The following CTSD variants were observed in gnomAD, a reference collection of about 807,000 sequenced individuals.
CTSD encodes ceroid-lipofuscinosis, neuronal 10.
In CTSD, 28 loss-of-function variants were observed where a neutral mutation model predicts 43.6. That is an observed-to-expected ratio of 0.64 (90% CI 0.48 to 0.88). The LOEUF (loss-of-function observed/expected upper bound fraction) is 0.88. CTSD is among the 40% of genes least tolerant of loss of function. CTSD has a pLI of 0.00. For missense variants in CTSD, 485 were observed against 555.2 expected, an observed-to-expected ratio of 0.87 and a Z score of 1.27; for synonymous variants, 270 against 249.8, an observed-to-expected ratio of 1.08 and a Z score of -0.76.
At chr11:1,761,738 C>T in intron 1 of CTSD, 1 of 540,246 alleles carries the variant, frequency 1.9e-6, no homozygotes, top group Non-Finnish European at 3.4e-6. Flanking sequence ...ACCTGGGGGC[C>T]AGTGTGCCCA....
At chr11:1,756,995 G>T (rs779923360) in intron 5 of CTSD, among the ~76,000 whole-genome samples, 1 of 152,180 alleles carries the variant, frequency 6.6e-6, no homozygotes, top group African/African-American at 2.4e-5. Flanking sequence ...CCGACGGGCC[G>T]ACTGAACCAA....
intron 2 of CTSD, 90 bp downstream of exon 2, chr11:1,761,219 G>C: frequency 6.8e-7 from 1 of 1,475,030 alleles, no homozygotes; most frequent in Non-Finnish European, 9.5e-7. Context: ...CTGCGCTGCT[G>C]AGAACAGGAG....
chr11:1,752,975 T>C lies in CTSD; in HGVS notation c.*528A>G. ...TTTGTCCCCTCTCACTCCTTCCAGC[T>C]CATCCTCAGGCCTCTAGCGGCCTCA... On this transcript the variant is annotated 3_prime_UTR_variant, in exon 9 of 9. Coordinates refer to ENST00000236671, the MANE Select transcript of CTSD (RefSeq NM_001909.5). The C allele has an allele frequency of 4.7e-6, 1 of 213,070 alleles. No individual in the cohort carries two copies. The highest frequency in any genetic ancestry group is 9.6e-6 in the Non-Finnish European group (1 of 103,666). 13.2% of individuals were successfully genotyped at this position (213,070 alleles called of 1,614,324 possible).
chr11:1,763,682 G>C (rs1461841581), intron 1 of CTSD, 110 bp downstream of exon 1: 29 of 1,062,846 alleles, frequency 2.7e-5, no homozygotes, highest in Non-Finnish European at 3.3e-5. Context: ...AGCGCGGGGG[G>C]CGCAAGGGGC....
At chr11:1,759,384 G>A (rs1845847225) in intron 3 of CTSD, 132 bp downstream of exon 3, 2 of 1,348,482 alleles carry the variant, frequency 1.5e-6, no homozygotes, top group African/African-American at 1.4e-5. Context: ...CTGGAGCAGG[G>A]TGGAGGGCTG....
chr11:1,758,934 C>T, intron 4 of CTSD, 35 bp downstream of exon 4: 1 of 1,456,638 alleles, frequency 6.9e-7, no homozygotes, highest in Non-Finnish European at 9.6e-7. Context: ...ACCCTGGCAC[C>T]CTCGAGTCCT....
chr11:1,754,424 G>T (rs1367597210), intron 6 of CTSD, among the ~76,000 whole-genome samples: 1 of 137,314 alleles, frequency 7.3e-6, no homozygotes. Context: ...GGGATGGAGG[G>T]GCATGGAGGG....
At chr11:1,755,164 A>G in intron 5 of CTSD, 136 bp from the exon 6 acceptor site, 1 of 1,040,362 alleles carries the variant, frequency 9.6e-7, no homozygotes, top group Non-Finnish European at 1.5e-6. Context: ...GCAGGGATGG[A>G]AAGGCCCAGA....
chr11:1,760,282 G>A (rs1845859176), intron 2 of CTSD: 1 of 152,606 alleles, frequency 6.6e-6, no homozygotes, highest in South Asian at 2.0e-4. Context: ...AGGCGCAGGT[G>A]GGGGTGCTGA....
At chr11:1,758,519 T>A (rs1428065193) in intron 4 of CTSD, among the ~76,000 whole-genome samples, 3 of 152,054 alleles carry the variant, frequency 2.0e-5, no homozygotes, top group Non-Finnish European at 4.4e-5. Context: ...CCCCCTCCCT[T>A]GCCCTCCCAG....
intron 5 of CTSD, among the ~76,000 whole-genome samples, chr11:1,756,349 G>A (rs1326821468): frequency 6.6e-6 from 1 of 152,238 alleles, no homozygotes; most frequent in African/African-American, 2.4e-5. Flanking sequence ...GGCCTCTAGT[G>A]AGCAGCTTAG....
intron 6 of CTSD, among the ~76,000 whole-genome samples, chr11:1,754,705 G>A (rs1845787877): frequency 6.6e-6 from 1 of 150,516 alleles, no homozygotes; most frequent in African/African-American, 2.4e-5. Flanking sequence ...AGGGATAGAG[G>A]GAATAGAGGG....
chr11:1,754,442 GATGGAGGGATAGACA>G (rs1319378596), intron 6 of CTSD, among the ~76,000 whole-genome samples: 6 of 143,052 alleles, frequency 4.2e-5, no homozygotes, highest in East Asian at 2.2e-4. Flanking sequence ...GGGATGGAGG[GATGGAGGGATAGACA>G]GATGGAGGGG....
intron 1 of CTSD, among the ~76,000 whole-genome samples, chr11:1,762,642 C>T (rs768721830): frequency 5.3e-5 from 8 of 152,274 alleles, no homozygotes; most frequent in Admixed American, 4.6e-4. Context: ...TAGTATCAGT[C>T]GCACAAGAGC....
intron 2 of CTSD, chr11:1,761,048 G>A (rs1227063866): frequency 7.3e-5 from 38 of 518,050 alleles, no homozygotes; most frequent in South Asian, 6.6e-4. Flanking sequence ...CCCCTCAGGC[G>A]AGCTGGCACC....
rs2133659886 is a variant in CTSD, at chr11:1,754,903, C to T, written c.827+3G>A. 3 of 1,613,810 alleles carry T rather than the reference C, an allele frequency of 1.9e-6. No homozygotes were observed. The highest frequency in any genetic ancestry group is 2.2e-5 in the South Asian group (2 of 91,084). On this transcript the variant is annotated splice_donor_region_variant and intron_variant, in intron 6 of 8. Coordinates refer to ENST00000236671, the MANE Select transcript of CTSD (RefSeq NM_001909.5). ...AGGGGAGCCGACTGCAGCCACTACT[C>T]ACTGGTCCAGGTGGACCTGCCAGTA...
intron 6 of CTSD, chr11:1,754,362 G>A (rs1045286173): frequency 6.8e-6 from 4 of 590,674 alleles, no homozygotes; most frequent in East Asian, 2.8e-5. Flanking sequence ...GGGCATGGAG[G>A]GATGGAGGGG....
intron 6 of CTSD, among the ~76,000 whole-genome samples, chr11:1,754,525 G>GGGATGGAGGGGATGGA (rs1554962371): frequency 3.0e-5 from 1 of 33,618 alleles, no homozygotes; most frequent in African/African-American, 9.3e-5. Context: ...GAGGGATGGA[G>GGGATGGAGGGGATGGA]GGGATGGAGG....
At chr11:1,761,685 TAAG>T in intron 1 of CTSD, 1 of 617,820 alleles carries the variant, frequency 1.6e-6, no homozygotes, top group Non-Finnish European at 2.9e-6. Context: ...GCCACAGTCC[TAAG>T]AAGTGGTCAC....
Sources: allele counts gnomAD v4.1 joint callset (sites outside exome capture counted in the v4.1 genomes callset), GRCh38; gene constraint gnomAD v4.1.1; transcripts MANE v1.5; gene names NCBI Gene and HGNC (gene_info 2026-07-23, HGNC 2026-07-21).